WNT2B: variants seen among roughly 807,000 people sequenced by gnomAD.
The protein encoded by WNT2B is Wnt family member 2B, also known as protein Wnt-2b.
In WNT2B, 19 loss-of-function variants were observed where a neutral mutation model predicts 40.5. That is an observed-to-expected ratio of 0.47 (90% CI 0.33 to 0.69). WNT2B has a LOEUF of 0.69. WNT2B is among the 30% of genes least tolerant of loss of function. The pLI is 0.02. For missense variants in WNT2B, 467 were observed against 556.4 expected (o/e 0.84, Z 1.62); for synonymous variants, 220 against 211.9 (o/e 1.04, Z -0.33).
chr1:112,474,915 C>T (rs1305918859), intron 1 of WNT2B, among the ~76,000 whole-genome samples: 1 of 151,972 alleles, frequency 6.6e-6, no homozygotes, highest in Admixed American at 6.6e-5. Context: ...AGCTCTCTCT[C>T]TTGCTCCTGC....
rs765500461 is a variant in WNT2B at position 112,516,428 on chromosome 1, A to C, written c.681+11A>C. ...CGCTGTGGTCGCACGGTCAGTACTCATGTCTGTGTAAGTACACTCATATTT... is the reference window on the plus strand; with the variant it reads ...CGCTGTGGTCGCACGGTCAGTACTCCTGTCTGTGTAAGTACACTCATATTT... On this transcript the variant is annotated intron_variant, in intron 3 of 4. Coordinates refer to ENST00000369684, the MANE Select transcript of WNT2B (RefSeq NM_024494.3). 15 of 1,603,448 alleles carry C rather than the reference A, an allele frequency of 9.4e-6. No homozygotes were observed. The highest frequency in any genetic ancestry group is 1.3e-5 in the Non-Finnish European group (15 of 1,174,400).
At chr1:112,517,490 G>T in intron 4 of WNT2B, 105 bp downstream of exon 4, 2 of 1,409,390 alleles carry the variant, frequency 1.4e-6, no homozygotes, top group Non-Finnish European at 1.9e-6. Flanking sequence ...AGGGGGTGCT[G>T]TGGGAGGAGG....
At position 112,520,532 on chromosome 1, in the gene WNT2B, C is replaced by A; in HGVS notation, c.*23C>A. ...TGAACACACAGATACCTCACTCATC[C>A]CTCCAATTCAAGCCTCTCAACTCAA... On this transcript the variant is annotated 3_prime_UTR_variant, in exon 5 of 5. Transcript: ENST00000369684. 1 of 1,608,876 alleles carries A rather than the reference C, an allele frequency of 6.2e-7. No homozygotes were observed. The highest frequency in any genetic ancestry group is 8.5e-7 in the Non-Finnish European group (1 of 1,176,914).
chr1:112,475,038 A>G (rs187743690), intron 1 of WNT2B, among the ~76,000 whole-genome samples: 32 of 152,322 alleles, frequency 2.1e-4, no homozygotes, highest in African/African-American at 7.2e-4. Flanking sequence ...TGTACAGCCA[A>G]CAGAACCATG....
At position 112,527,482 on chromosome 1, in the gene WNT2B, C is replaced by T. The variant is rs1381976647; in HGVS notation, c.*6973C>T. ...TGCATAGCAGCACAGCCCCATGAGG[C>T]CACACACCAGATGGAGGGGATAAAA... On this transcript the variant is annotated 3_prime_UTR_variant, in exon 5 of 5. Transcript: ENST00000369684. 6.5e-6 allele frequency: 1 copy of T among 152,764 alleles called. No individual in the cohort carries two copies. The highest frequency in any genetic ancestry group is 2.4e-5 in the African/African-American group (1 of 41,434). The allele number at this position is 152,764 out of a possible 1,614,324, so 9.5% of individuals were successfully genotyped here. A position where few individuals can be genotyped will look rare whatever the true frequency, so the allele number is the denominator to read the frequency against.
At chr1:112,499,054 A>T (rs1651865368) in intron 1 of WNT2B, among the ~76,000 whole-genome samples, 2 of 152,092 alleles carry the variant, frequency 1.3e-5, no homozygotes, top group Admixed American at 1.3e-4. Flanking sequence ...AAAAATACAA[A>T]AATTAGCCGG....
upstream of WNT2B, among the ~76,000 whole-genome samples, chr1:112,504,176 T>A (rs115348114): frequency 3.4e-3 from 519 of 152,302 alleles, 3 homozygotes; most frequent in African/African-American, 0.012. Context: ...CCGCCCGGAA[T>A]GGCCGTCAGC....
chr1:112,469,249 G>A (rs1650798560), intron 1 of WNT2B, among the ~76,000 whole-genome samples: 1 of 152,320 alleles, frequency 6.6e-6, no homozygotes, highest in East Asian at 1.9e-4. Flanking sequence ...TGACTCTGAA[G>A]ACACATCTGA....
chr1:112,524,371 T>C lies in WNT2B; in HGVS notation c.*3862T>C, dbSNP rs1653095028. The C allele has an allele frequency of 6.6e-6, 1 of 152,666 alleles. No homozygotes were observed. The highest frequency in any genetic ancestry group is 2.1e-4 in the South Asian group (1 of 4,832). The allele number at this position is 152,666 out of a possible 1,614,324, so 9.5% of individuals were successfully genotyped here. A position where few individuals can be genotyped will look rare whatever the true frequency, so the allele number is the denominator to read the frequency against. ...CCAGGGAGAGTATGTTTCTCATCCC[T>C]GGGAGGCATTCAGCCTAGCTCCTGC... On this transcript the variant is annotated 3_prime_UTR_variant, in exon 5 of 5. Transcript: ENST00000369684.
intron 2 of WNT2B, 106 bp from the exon 3 acceptor site, chr1:112,516,034 A>C (rs1652522683): frequency 6.9e-7 from 1 of 1,459,288 alleles, no homozygotes; most frequent in Non-Finnish European, 9.2e-7. Flanking sequence ...TGACTCTGGG[A>C]AAGAAAATTA....
chr1:112,502,263 C>G (rs751121364), intron 1 of WNT2B, among the ~76,000 whole-genome samples: 3 of 152,098 alleles, frequency 2.0e-5, no homozygotes, highest in Non-Finnish European at 4.4e-5. Context: ...TCCAGCTGCC[C>G]GTCCCTGCTG....
intron 1 of WNT2B, among the ~76,000 whole-genome samples, chr1:112,478,564 C>G (rs1485935934): frequency 3.3e-5 from 5 of 151,752 alleles, no homozygotes; most frequent in Non-Finnish European, 2.9e-5. Flanking sequence ...TGATATAACC[C>G]AAGTACTGAA....
At chr1:112,469,656 C>G (rs1650813176) in intron 1 of WNT2B, among the ~76,000 whole-genome samples, 1 of 151,900 alleles carries the variant, frequency 6.6e-6, no homozygotes, top group Non-Finnish European at 1.5e-5. Flanking sequence ...GCTCTGTCAC[C>G]CAGGCTAGAG....
At chr1:112,514,333 G>A (rs114337656) in intron 1 of WNT2B, among the ~76,000 whole-genome samples, 45 of 152,182 alleles carry the variant, frequency 3.0e-4, no homozygotes, top group Non-Finnish European at 4.6e-4. Flanking sequence ...TTAGCTACAC[G>A]GGTCTGACTA....
chr1:112,490,863 C>A, intron 1 of WNT2B: 1 of 703,414 alleles, frequency 1.4e-6, no homozygotes, highest in South Asian at 1.8e-5. Flanking sequence ...CTATCAAGGT[C>A]TAGGCCAAAA....
At position 112,493,574 on chromosome 1, in the gene WNT2B, A is replaced by G. The variant is rs537921715; in HGVS notation, c.-94-21300A>G. Among the ~76,000 whole-genome samples the G allele has an allele frequency of 3.6e-3, 551 of 152,238 alleles. 2 individuals carry two copies. The highest frequency in any genetic ancestry group is 0.012 in the African/African-American group (513 of 41,562). On this transcript the variant is annotated intron_variant, in intron 1 of 4. Transcript: ENST00000256640. ...GAGACTGAGGCTGCAATGAGCTGTG[A>G]TCACACCCTTACACTCCAGTCTGGG...
upstream of WNT2B, among the ~76,000 whole-genome samples, chr1:112,508,570 T>C (rs2101080584): frequency 6.6e-6 from 1 of 152,158 alleles, no homozygotes; most frequent in South Asian, 2.1e-4. The surrounding 1 kb of genome is among the most constrained non-coding windows in gnomAD (Gnocchi z 4.2). Flanking sequence ...AGGAAATGAG[T>C]GCATCCTCCG....
At chr1:112,520,058 A>G (rs1055926003) in intron 4 of WNT2B, among the ~76,000 whole-genome samples, 1 of 146,022 alleles carries the variant, frequency 6.8e-6, no homozygotes, top group Non-Finnish European at 1.5e-5. Context: ...GTTTTTGTAG[A>G]GACAGGGCTT....
chr1:112,467,426 A>C, exon 1 of WNT2B: 1 of 678,408 alleles, frequency 1.5e-6, no homozygotes, highest in Admixed American at 2.3e-5. Context: ...CCAAACCCTG[A>C]AGAGCCCAAG....
Sources: gnomAD v4.1 joint callset for allele counts (sites outside exome capture counted in the v4.1 genomes callset) on GRCh38, gnomAD v4.1.1 for gene constraint, Gnocchi (gnomAD v3.1) non-coding constraint, MANE v1.5 for transcripts, NCBI Gene and HGNC (gene_info 2026-07-23, HGNC 2026-07-21) for gene names.